PCDHGA11: variants seen among roughly 807,000 people sequenced by gnomAD.
The protein encoded by PCDHGA11 is protocadherin gamma subfamily A, 11.
Under a neutral mutation model 60.4 loss-of-function variants are expected in PCDHGA11, and 39 were observed. The ratio of observed to expected loss-of-function variants is 0.65; its 90% confidence interval spans 0.50 to 0.84. The LOEUF (loss-of-function observed/expected upper bound fraction) is 0.84, where lower values mean the gene tolerates loss of function less well. Among genes scored for constraint, PCDHGA11 ranks in the 40% least tolerant of loss-of-function variants. The probability of loss-of-function intolerance (pLI) is 0.00; values close to 1 mark genes in which losing one functional copy is unlikely to be tolerated. For missense variants in PCDHGA11, 1,165 were observed against 1,197.7 expected (o/e 0.97, Z 0.40); for synonymous variants, 533 against 510.3 (o/e 1.04, Z -0.60).
Position 141,511,039 on chromosome 5 carries a change from C to T in PCDHGA11, c.2674C>T (p.Pro892Ser). 1 of 1,614,196 alleles carries T rather than the reference C, an allele frequency of 6.2e-7. No homozygotes were observed. ...YGPQFTLQHV[P>S]DYRQNVYIPG... ...ACCCCAGTTCACCCTGCAGCACGTGCCCGACTACCGCCAGAATGTCTACAT... is the reference window on the plus strand; with the variant it reads ...ACCCCAGTTCACCCTGCAGCACGTGTCCGACTACCGCCAGAATGTCTACAT... The change falls in exon 4 of 4, where the codon CCC (proline) becomes TCC (serine). Residue 892 changes from proline (P) to serine (S), a missense_variant. Physicochemically the swap from Pro to Ser is moderately conservative, Grantham distance 74. Coordinates refer to ENST00000398587, the MANE Select transcript of PCDHGA11 (RefSeq NM_018914.3).
chr5:141,457,959 T>C (rs1426112930), intron 1 of PCDHGA11, among the ~76,000 whole-genome samples: 3 of 152,208 alleles, frequency 2.0e-5, no homozygotes, highest in Admixed American at 2.0e-4. Flanking sequence ...CAAGCTTGAT[T>C]CCTTAAAGGG....
At chr5:141,500,699 A>G (rs780869966) in intron 2 of PCDHGA11, among the ~76,000 whole-genome samples, 1 of 152,156 alleles carries the variant, frequency 6.6e-6, no homozygotes, top group Non-Finnish European at 1.5e-5. Context: ...TCTTCTTTGC[A>G]GTGTATCATG....
chr5:141,484,944 AG>A (rs1354711871), intron 1 of PCDHGA11: 1 of 546,450 alleles, frequency 1.8e-6, no homozygotes, highest in Non-Finnish European at 3.3e-6. Context: ...TTCTCTGCTC[AG>A]CCTATTGGCT....
chr5:141,421,634 A>G lies in PCDHGA11; in HGVS notation c.407A>G (p.Glu136Gly), dbSNP rs771759412. The G allele has an allele frequency of 7.4e-6, 12 of 1,613,714 alleles. No homozygotes were observed. Among genetic ancestry groups the G allele is most frequent in the South Asian group, 1.1e-5 (1 of 91,072 alleles). The change falls in exon 1 of 4, where the codon GAG becomes GGG. Residue 136 changes from glutamate (E) to glycine (G), a missense_variant. Physicochemically the swap from Glu to Gly is moderately conservative, Grantham distance 98. Transcript: ENST00000398587. ...DINDNAPSFQ[E>G]DEVEIKVSEH... ...AATGATAACGCCCCCAGCTTCCAGG[A>G]GGACGAAGTGGAGATAAAAGTCAGT...
At position 141,511,106 on chromosome 5, in the gene PCDHGA11, G is replaced by T. The variant is rs536900646; in HGVS notation, c.2741G>T (p.Arg914Leu). ...NATLTNAAGK[R>L]DGKAPAGGNG... is the part of the protein sequence containing the mutation. Reference sequence around the variant, plus strand: ...ACACTGACCAACGCAGCTGGCAAGCGGGATGGCAAGGCCCCAGCAGGTGGC... The same window carrying T: ...ACACTGACCAACGCAGCTGGCAAGCTGGATGGCAAGGCCCCAGCAGGTGGC... Residue 914 changes from arginine to leucine, a missense_variant, in exon 4 of 4, where the codon CGG becomes CTG. Transcript: ENST00000398587. 8.7e-6 allele frequency: 14 copies of T among 1,614,196 alleles called. No individual in the cohort carries two copies. Among genetic ancestry groups the T allele is most frequent in the Non-Finnish European group, 1.2e-5 (14 of 1,180,016 alleles).
In PCDHGA11 at chr5:141,476,742, G is replaced by C. The variant is rs1015622831; in HGVS notation, c.2434-18065G>C. 8.7e-6 allele frequency: 14 copies of C among 1,613,936 alleles called. No homozygotes were observed. Among genetic ancestry groups the C allele is most frequent in the Non-Finnish European group, 1.1e-5 (13 of 1,180,032 alleles). On this transcript the variant is annotated intron_variant, in intron 1 of 3. Transcript: ENST00000398587. The surrounding 1 kb of genome is among the most constrained non-coding windows in gnomAD (Gnocchi z 7.6). ...GCCCTGGACCGAGAACGGGAGCCTA[G>C]TCTCCAGTTAGTGCTGACGGCGTTG...
At chr5:141,482,530 C>CTAAAAA in intron 1 of PCDHGA11, among the ~76,000 whole-genome samples, 1 of 76,560 alleles carries the variant, frequency 1.3e-5, no homozygotes, top group African/African-American at 4.8e-5. Context: ...GACAGACATG[C>CTAAAAA]AAAAAAAAAA....
At chr5:141,470,815 G>A (rs891225908) in intron 1 of PCDHGA11, among the ~76,000 whole-genome samples, 1 of 151,980 alleles carries the variant, frequency 6.6e-6, no homozygotes, top group African/African-American at 2.4e-5. Flanking sequence ...AGCCTTCTGA[G>A]TAGTTAGGAC....
intron 3 of PCDHGA11, among the ~76,000 whole-genome samples, chr5:141,508,792 CT>C (rs1475631459): frequency 6.6e-6 from 1 of 152,130 alleles, no homozygotes; most frequent in Non-Finnish European, 1.5e-5. Flanking sequence ...CTAAATCACT[CT>C]GGAATCCTGG....
chr5:141,482,763 T>TGC (rs2099571981), intron 1 of PCDHGA11, among the ~76,000 whole-genome samples: 1 of 127,550 alleles, frequency 7.8e-6, no homozygotes, highest in African/African-American at 3.6e-5. Flanking sequence ...GGTATTTCAT[T>TGC]ATCACTGAAC....
At chr5:141,446,508 G>A (rs932199756) in intron 1 of PCDHGA11, among the ~76,000 whole-genome samples, 4 of 151,356 alleles carry the variant, frequency 2.6e-5, no homozygotes, top group Non-Finnish European at 5.9e-5. Flanking sequence ...ATGGAGTCTC[G>A]CTCTGTCACC....
intron 1 of PCDHGA11, among the ~76,000 whole-genome samples, chr5:141,425,555 A>T (rs1282440598): frequency 6.6e-6 from 1 of 152,270 alleles, no homozygotes; most frequent in African/African-American, 2.4e-5. Flanking sequence ...AACCTCTTTT[A>T]TAAGTGATAA....
At chr5:141,483,084 CA>C (rs898059463) in intron 1 of PCDHGA11, among the ~76,000 whole-genome samples, 4 of 150,440 alleles carry the variant, frequency 2.7e-5, no homozygotes, top group Middle Eastern at 3.4e-3. Flanking sequence ...GACTCCATCT[CA>C]AAAAAAAAGT....
intron 1 of PCDHGA11, among the ~76,000 whole-genome samples, chr5:141,488,571 A>G (rs2099677106): frequency 6.6e-6 from 1 of 152,194 alleles, no homozygotes; most frequent in East Asian, 1.9e-4. Flanking sequence ...TCCGCAAAGC[A>G]TTGCTGGAGA....
Position 141,476,489 on chromosome 5 carries a change from A to G in PCDHGA11, c.2434-18318A>G. ...GGAGCTGTTCAGCGTGGAAGTGGTGATCCAGGACATCAACGACAACAATCC... is the reference window on the plus strand; with the variant it reads ...GGAGCTGTTCAGCGTGGAAGTGGTGGTCCAGGACATCAACGACAACAATCC... On this transcript the variant is annotated intron_variant, in intron 1 of 3. Coordinates refer to ENST00000398587, the MANE Select transcript of PCDHGA11 (RefSeq NM_018914.3). The surrounding 1 kb of genome is among the most constrained non-coding windows in gnomAD (Gnocchi z 7.6). The G allele has an allele frequency of 6.2e-7, 1 of 1,613,928 alleles. No individual in the cohort carries two copies. Among genetic ancestry groups the G allele is most frequent in the Non-Finnish European group, 8.5e-7 (1 of 1,179,976 alleles).
intron 1 of PCDHGA11, among the ~76,000 whole-genome samples, chr5:141,452,585 G>A (rs1310395736): frequency 6.6e-6 from 1 of 151,984 alleles, no homozygotes; most frequent in Non-Finnish European, 1.5e-5. Context: ...TTCCATCTTT[G>A]TATTTTTATT....
chr5:141,505,413 C>G lies in PCDHGA11; in HGVS notation c.2513C>G (p.Thr838Ser). ...CCCAGCTCCCAAAATGGCGATGACA[C>G]CGGCACCTGGCCCAACAACCAGTTT... Reference protein sequence around the residue: ...GTSGSQNGDDTGTWPNNQFDT... With the variant: ...GTSGSQNGDDSGTWPNNQFDT... Residue 838 changes from threonine to serine, a missense_variant, in exon 3 of 4, where the codon ACC (threonine) becomes AGC (serine). Physicochemically the swap from Thr to Ser is moderately conservative, Grantham distance 58. Coordinates refer to ENST00000398587, the MANE Select transcript of PCDHGA11 (RefSeq NM_018914.3). 2.5e-6 allele frequency: 4 copies of G among 1,614,202 alleles called. No individual in the cohort carries two copies. In the South Asian group the frequency reaches 4.4e-5, roughly 18 times the overall value.
At chr5:141,508,408 C>T (rs938019804) in intron 3 of PCDHGA11, 1 of 152,180 alleles carries the variant, frequency 6.6e-6, no homozygotes, top group Non-Finnish European at 1.5e-5. Context: ...GCTTGAGCCA[C>T]GCAGAGACTT....
chr5:141,491,529 G>C lies in PCDHGA11; in HGVS notation c.2434-3278G>C. 1 of 1,614,040 alleles carries C rather than the reference G, an allele frequency of 6.2e-7. No individual in the cohort carries two copies. The highest frequency in any genetic ancestry group is 1.1e-5 in the South Asian group (1 of 91,080). On this transcript the variant is annotated intron_variant, in intron 1 of 3. Coordinates refer to ENST00000398587, the MANE Select transcript of PCDHGA11 (RefSeq NM_018914.3). The surrounding 1 kb of genome is among the most constrained non-coding windows in gnomAD (Gnocchi z 6.9). ...GCACGCTCAAGTACATGGAGGTGACGCTGCGGCCCACAGACTCGCAGAGCC... is the reference window on the plus strand; with the variant it reads ...GCACGCTCAAGTACATGGAGGTGACCCTGCGGCCCACAGACTCGCAGAGCC...
Sources: allele counts gnomAD v4.1 joint callset (sites outside exome capture counted in the v4.1 genomes callset), GRCh38; gene constraint gnomAD v4.1.1; non-coding constraint Gnocchi (gnomAD v3.1); transcripts MANE v1.5; gene names NCBI Gene and HGNC (gene_info 2026-07-23, HGNC 2026-07-21).